SND1: variants seen among roughly 807,000 people sequenced by gnomAD.
SND1 encodes the protein staphylococcal nuclease and tudor domain containing 1, also known as staphylococcal nuclease domain-containing protein 1.
A neutral mutation model predicts 121.7 loss-of-function variants in SND1; 38 were observed. The observed-to-expected ratio is 0.31, with a 90% confidence interval of 0.24 to 0.41. The LOEUF (loss-of-function observed/expected upper bound fraction) is 0.41, where lower values mean the gene tolerates loss of function less well. SND1 is among the 10% of genes least tolerant of loss of function. The pLI, the probability that SND1 is intolerant of heterozygous loss-of-function variation, is 1.00. For missense variants in SND1, 868 were observed against 1,184.6 expected (o/e 0.73, Z 3.92); for synonymous variants, 401 against 447.4 (o/e 0.90, Z 1.31).
chr7:127,878,365 C>T (rs1022727480), intron 12 of SND1, among the ~76,000 whole-genome samples: 4 of 152,170 alleles, frequency 2.6e-5, no homozygotes, highest in Non-Finnish European at 5.9e-5. Flanking sequence ...GCTTTATTTG[C>T]TCTAAGTTCC....
intron 15 of SND1, among the ~76,000 whole-genome samples, chr7:127,952,998 T>A (rs185524371): frequency 1.7e-4 from 26 of 152,174 alleles, no homozygotes; most frequent in Non-Finnish European, 2.4e-4. Flanking sequence ...CCCCCATCTC[T>A]ACAAAAAATT....
At chr7:127,738,150 G>A (rs1399320644) in intron 10 of SND1, among the ~76,000 whole-genome samples, 1 of 152,016 alleles carries the variant, frequency 6.6e-6, no homozygotes, top group Admixed American at 6.5e-5. Context: ...TATTTTTCAT[G>A]TGTCCTTTCT....
At chr7:127,995,970 G>A (rs1048329490) in intron 16 of SND1, among the ~76,000 whole-genome samples, 3 of 152,066 alleles carry the variant, frequency 2.0e-5, no homozygotes, top group Non-Finnish European at 2.9e-5. Flanking sequence ...CCTGAAAAAT[G>A]ATGTCCTCAT....
At chr7:127,835,617 G>C (rs777016176) in intron 11 of SND1, among the ~76,000 whole-genome samples, 15 of 152,154 alleles carry the variant, frequency 9.9e-5, no homozygotes, top group Non-Finnish European at 1.9e-4. Flanking sequence ...AGTAGGTATT[G>C]GTGTGAGTTA....
intron 16 of SND1, among the ~76,000 whole-genome samples, chr7:128,072,277 C>T (rs767268290): frequency 1.1e-4 from 16 of 152,240 alleles, no homozygotes; most frequent in Non-Finnish European, 2.2e-4. Flanking sequence ...CACTGGCCCA[C>T]CACAAGCTGT....
intron 10 of SND1, among the ~76,000 whole-genome samples, chr7:127,793,073 C>G (rs923337670): frequency 2.6e-5 from 4 of 152,236 alleles, no homozygotes; most frequent in Non-Finnish European, 4.4e-5. Context: ...GGCATAACTA[C>G]TAGATCCAAC....
intron 10 of SND1, among the ~76,000 whole-genome samples, chr7:127,733,161 G>A (rs1323716874): frequency 6.6e-6 from 1 of 152,068 alleles, no homozygotes; most frequent in Non-Finnish European, 1.5e-5. Context: ...TAATATAAGG[G>A]AGTGAGGAAA....
At chr7:127,852,847 C>G (rs751114212) in intron 12 of SND1, among the ~76,000 whole-genome samples, 2 of 151,994 alleles carry the variant, frequency 1.3e-5, no homozygotes, top group Admixed American at 1.3e-4. Context: ...ACACCCTCTT[C>G]TGTTGTCTGA....
In SND1 at chr7:127,805,551, C is replaced by T. The variant is rs558162593; in HGVS notation, c.1153-1933C>T. ...CATTCTCATAAGAGATTTTCTTGGT[C>T]GTAGTCAATGAATTGAAATGTTTGT... On this transcript the variant is annotated intron_variant, in intron 10 of 23. Transcript: ENST00000354725. Among the ~76,000 whole-genome samples the T allele has an allele frequency of 9.9e-5, 15 of 152,200 alleles. No homozygotes were observed. In the South Asian group the frequency reaches 1.9e-3, roughly 19 times the overall value.
At chr7:127,707,729 G>T in intron 9 of SND1, 82 bp downstream of exon 9, 1 of 1,220,124 alleles carries the variant, frequency 8.2e-7, no homozygotes, top group Non-Finnish European at 1.2e-6. Flanking sequence ...AATTAGAAAT[G>T]CTGAAGCTCT....
chr7:127,984,501 T>A (rs1357033934), intron 15 of SND1, among the ~76,000 whole-genome samples: 1 of 152,240 alleles, frequency 6.6e-6, no homozygotes, highest in Admixed American at 6.5e-5. Flanking sequence ...TCATCTCAGC[T>A]CTGCGCCCTG....
chr7:127,783,241 C>G (rs1305921027), intron 10 of SND1, among the ~76,000 whole-genome samples: 1 of 152,202 alleles, frequency 6.6e-6, no homozygotes, highest in African/African-American at 2.4e-5. Flanking sequence ...TGAAATCTGA[C>G]AGCTGTTACC....
intron 12 of SND1, among the ~76,000 whole-genome samples, chr7:127,886,534 G>A (rs1224305696): frequency 6.6e-6 from 1 of 152,122 alleles, no homozygotes; most frequent in Admixed American, 6.5e-5. Context: ...CAGCAAACCA[G>A]ATGGTTTGAG....
intron 10 of SND1, among the ~76,000 whole-genome samples, chr7:127,797,900 A>G (rs1204489830): frequency 6.6e-6 from 1 of 152,148 alleles, no homozygotes; most frequent in Non-Finnish European, 1.5e-5. Flanking sequence ...CAAAGACCTC[A>G]TGCTTGGCTC....
chr7:128,010,083 C>T (rs755410564), intron 16 of SND1, among the ~76,000 whole-genome samples: 4 of 152,208 alleles, frequency 2.6e-5, no homozygotes, highest in African/African-American at 4.8e-5. Context: ...CTTGAGTTTC[C>T]CAGAACTTGC....
At chr7:127,696,769 T>C (rs1311795493) in intron 3 of SND1, among the ~76,000 whole-genome samples, 1 of 152,244 alleles carries the variant, frequency 6.6e-6, no homozygotes, top group Non-Finnish European at 1.5e-5. Flanking sequence ...TTTTTAAAAG[T>C]TTACTTTTTA....
intron 15 of SND1, among the ~76,000 whole-genome samples, chr7:127,975,063 TTTTG>T (rs539784058): frequency 5.5e-4 from 84 of 152,332 alleles, no homozygotes; most frequent in African/African-American, 1.7e-3. Context: ...GGCCACTTGA[TTTTG>T]TTTGTTTTGT....
chr7:127,692,003 G>T (rs1054386196), intron 2 of SND1, among the ~76,000 whole-genome samples: 3 of 152,104 alleles, frequency 2.0e-5, no homozygotes, highest in African/African-American at 7.2e-5. Flanking sequence ...GCATTCATTG[G>T]AGCTGTTGAG....
intron 1 of SND1, among the ~76,000 whole-genome samples, chr7:127,666,551 A>G (rs1403268276): frequency 6.6e-6 from 1 of 152,148 alleles, no homozygotes; most frequent in Non-Finnish European, 1.5e-5. Flanking sequence ...TATATGTTAA[A>G]GAGTTTAATT....
Sources: gnomAD v4.1 joint callset for allele counts (sites outside exome capture counted in the v4.1 genomes callset) on GRCh38, gnomAD v4.1.1 for gene constraint, MANE v1.5 for transcripts, NCBI Gene and HGNC (gene_info 2026-07-23, HGNC 2026-07-21) for gene names.